Variants in RAB11FIP4 observed in about 807,000 individuals in gnomAD.
The protein encoded by RAB11FIP4 is rab11 family-interacting protein 4.
A neutral mutation model predicts 74.3 loss-of-function variants in RAB11FIP4; 23 were observed. The ratio of observed to expected loss-of-function variants is 0.31; its 90% CI spans 0.22 to 0.44. RAB11FIP4 has a LOEUF of 0.44. Among genes scored for constraint, RAB11FIP4 ranks in the 20% least tolerant of loss-of-function variants. The probability of loss-of-function intolerance (pLI) is 1.00; values close to 1 mark genes in which losing one functional copy is unlikely to be tolerated. For missense variants in RAB11FIP4, 630 were observed against 863.9 expected (o/e 0.73, Z 3.39); for synonymous variants, 360 against 359.9 (o/e 1.00, Z 0.00).
At position 31,536,181 on chromosome 17, in the gene RAB11FIP4, A is replaced by G. The variant is rs1487451770; in HGVS notation, c.*4449A>G. The G allele has an allele frequency of 6.6e-6, 1 of 152,178 alleles. No homozygotes were observed. The highest frequency in any genetic ancestry group is 1.5e-5 in the Non-Finnish European group (1 of 68,062). The allele number at this position is 152,178 out of a possible 1,614,324, so 9.4% of individuals were successfully genotyped here. On this transcript the variant is annotated 3_prime_UTR_variant, in exon 15 of 15. Coordinates refer to ENST00000621161, the MANE Select transcript of RAB11FIP4 (RefSeq NM_032932.6). Reference sequence around the variant, plus strand: ...CTGTGTGTGTGGTGGGGTTTAATGCATTAGCAAATTTAAACTTAAAAACTA... The same window carrying G: ...CTGTGTGTGTGGTGGGGTTTAATGCGTTAGCAAATTTAAACTTAAAAACTA...
At chr17:31,484,385 T>TA (rs1214587080) in intron 3 of RAB11FIP4, among the ~76,000 whole-genome samples, 3 of 149,372 alleles carry the variant, frequency 2.0e-5, no homozygotes, top group East Asian at 1.9e-4. Context: ...ATTGTCTCTT[T>TA]AAAAAAAAAA....
chr17:31,437,341 T>C (rs1049733799), intron 3 of RAB11FIP4, among the ~76,000 whole-genome samples: 4 of 152,176 alleles, frequency 2.6e-5, no homozygotes, highest in Admixed American at 1.3e-4. Context: ...GCTCCTGTAA[T>C]AGCAAGGTCA....
intron 3 of RAB11FIP4, among the ~76,000 whole-genome samples, chr17:31,513,342 A>G (rs773462490): frequency 6.6e-6 from 1 of 152,238 alleles, no homozygotes; most frequent in Non-Finnish European, 1.5e-5. Flanking sequence ...GAAATTGGCC[A>G]AGAAGAGTCC....
At chr17:31,503,050 T>C (rs953743249) in intron 3 of RAB11FIP4, among the ~76,000 whole-genome samples, 2 of 152,200 alleles carry the variant, frequency 1.3e-5, no homozygotes, top group Non-Finnish European at 2.9e-5. Context: ...TTGTTTGTTT[T>C]AAGACAGAGT....
At chr17:31,505,571 A>T (rs1193643629) in intron 3 of RAB11FIP4, among the ~76,000 whole-genome samples, 2 of 85,298 alleles carry the variant, frequency 2.3e-5, no homozygotes, top group Non-Finnish European at 4.3e-5. Flanking sequence ...TATAATATAT[A>T]ATAATATATA....
chr17:31,523,905 G>C lies in RAB11FIP4; in HGVS notation c.1042G>C (p.Glu348Gln). Residue 348 changes from glutamate (E) to glutamine (Q), a missense_variant, in exon 9 of 15, where the codon GAA (glutamate) becomes CAA (glutamine). Physicochemically the swap from Glu to Gln is conservative, Grantham distance 29 (BLOSUM62 2). Transcript: ENST00000621161. ...NDITEKVSFL[E>Q]KKVTELENDS... The stretch of plus-strand genomic sequence containing the variant: ...CCCCCTGCTGCAGGTAAGCTTCCTG[G>C]AAAAGAAGGTGACAGAGCTGGAGAA... 6.2e-7 allele frequency: 1 copy of C among 1,611,170 alleles called. No individual in the cohort carries two copies. The highest frequency in any genetic ancestry group is 8.5e-7 in the Non-Finnish European group (1 of 1,178,912).
At chr17:31,457,899 C>T (rs983630599) in intron 3 of RAB11FIP4, among the ~76,000 whole-genome samples, 3 of 152,178 alleles carry the variant, frequency 2.0e-5, no homozygotes, top group African/African-American at 7.2e-5. Context: ...TGCACCCCAT[C>T]TCTCTCTGTC....
At chr17:31,409,967 C>T (rs541634291) in intron 1 of RAB11FIP4, among the ~76,000 whole-genome samples, 4 of 152,282 alleles carry the variant, frequency 2.6e-5, no homozygotes, top group South Asian at 4.1e-4. Flanking sequence ...AGTGTCTGAA[C>T]GGGTCAGAGG....
intron 1 of RAB11FIP4, among the ~76,000 whole-genome samples, chr17:31,413,002 A>G (rs1472024203): frequency 1.3e-5 from 2 of 152,182 alleles, no homozygotes; most frequent in Admixed American, 6.5e-5. Context: ...TGTTGTACTG[A>G]CAGCAACAGT....
At chr17:31,516,184 A>T (rs147979609) in intron 3 of RAB11FIP4, among the ~76,000 whole-genome samples, 1 of 151,956 alleles carries the variant, frequency 6.6e-6, no homozygotes, top group African/African-American at 2.4e-5. Context: ...GAGGTGTTCC[A>T]TGATGTGCAC....
intron 11 of RAB11FIP4, 111 bp downstream of exon 11, chr17:31,528,034 G>A (rs1033101414): frequency 1.0e-5 from 8 of 782,692 alleles, no homozygotes; most frequent in Non-Finnish European, 1.6e-5. Flanking sequence ...TGCAAAAAAA[G>A]TGAATAACAA....
At chr17:31,405,322 G>A (rs934588196) in intron 1 of RAB11FIP4, among the ~76,000 whole-genome samples, 1 of 152,074 alleles carries the variant, frequency 6.6e-6, no homozygotes. Flanking sequence ...CCAAGCTCAC[G>A]CAGCCTCAGG....
At chr17:31,521,826 G>A in intron 5 of RAB11FIP4, 89 bp from the exon 6 acceptor site, 1 of 1,491,356 alleles carries the variant, frequency 6.7e-7, no homozygotes, top group East Asian at 2.3e-5. Flanking sequence ...AAGGTACTGG[G>A]GACTCAAGTA....
At chr17:31,529,287 A>G (rs2072826572) in intron 13 of RAB11FIP4, among the ~76,000 whole-genome samples, 2 of 151,872 alleles carry the variant, frequency 1.3e-5, no homozygotes, top group South Asian at 4.2e-4. Context: ...TTTTTGAGGC[A>G]GGGTCTCACT....
intron 3 of RAB11FIP4, among the ~76,000 whole-genome samples, chr17:31,500,978 G>C (rs188892957): frequency 6.6e-6 from 1 of 151,524 alleles, no homozygotes. Flanking sequence ...AGCCGAGATC[G>C]TGCCACTGCA....
intron 3 of RAB11FIP4, among the ~76,000 whole-genome samples, chr17:31,494,009 G>T (rs929071440): frequency 9.2e-5 from 14 of 152,054 alleles, no homozygotes; most frequent in South Asian, 2.1e-4. Flanking sequence ...GGGTTGGGGT[G>T]CCCAACAGGT....
At chr17:31,434,621 G>A (rs1185601408) in intron 3 of RAB11FIP4, among the ~76,000 whole-genome samples, 1 of 152,170 alleles carries the variant, frequency 6.6e-6, no homozygotes, top group Non-Finnish European at 1.5e-5. Flanking sequence ...TCCCACGCCA[G>A]CTGCAGTTCT....
intron 3 of RAB11FIP4, among the ~76,000 whole-genome samples, chr17:31,442,279 G>C (rs1275489372): frequency 6.6e-6 from 1 of 152,124 alleles, no homozygotes; most frequent in Non-Finnish European, 1.5e-5. Flanking sequence ...GATTACAGGC[G>C]TGAGCCACCA....
rs1019243954 is a variant in RAB11FIP4, at chr17:31,492,367, C to T, written c.337-25284C>T. 9.8e-5 allele frequency among the ~76,000 whole-genome samples: 15 copies of T among 152,296 alleles called. No homozygotes were observed. In the East Asian group the frequency reaches 1.4e-3, roughly 14 times the overall value. ...CACACACGTGTGTTTGCGTGTCATG[C>T]GGCATTCGGATGGGGCATCCTGTTC... On this transcript the variant is annotated intron_variant, in intron 3 of 14. Transcript: ENST00000621161.
Sources: allele counts gnomAD v4.1 joint callset (sites outside exome capture counted in the v4.1 genomes callset), GRCh38; gene constraint gnomAD v4.1.1; transcripts MANE v1.5; gene names NCBI Gene and HGNC (gene_info 2026-07-23, HGNC 2026-07-21).